The following NRP1 variants were observed in gnomAD, a reference collection of about 807,000 sequenced individuals.
NRP1 encodes neuropilin-1.
Under a neutral mutation model 106.7 loss-of-function variants are expected in NRP1, and 35 were observed. That is an observed-to-expected ratio of 0.33 (90% CI 0.25 to 0.43). The LOEUF (loss-of-function observed/expected upper bound fraction) is 0.43. NRP1 is among the 20% of genes least tolerant of loss of function. The probability of loss-of-function intolerance (pLI) is 1.00; values close to 1 mark genes in which losing one functional copy is unlikely to be tolerated. For synonymous variants in NRP1, 437 were observed against 417.9 expected, an observed-to-expected ratio of 1.05 and a Z score of -0.56; for missense variants, 1,024 against 1,170.4, an observed-to-expected ratio of 0.87 and a Z score of 1.83.
chr10:33,251,129 G>A (rs542857695), intron 6 of NRP1, among the ~76,000 whole-genome samples: 130 of 152,116 alleles, frequency 8.5e-4, no homozygotes, highest in Non-Finnish European at 1.3e-3. Context: ...GGTTTTCCCC[G>A]TGCTCTTCTC....
chr10:33,245,469 T>C (rs1234515191), intron 6 of NRP1, among the ~76,000 whole-genome samples: 3 of 152,222 alleles, frequency 2.0e-5, no homozygotes. Context: ...CTAGATGTAG[T>C]CCAACCATGT....
At position 33,179,492 on chromosome 10, in the gene NRP1, G is replaced by A. The variant is rs1835545889; in HGVS notation, c.*584C>T. The A allele has an allele frequency of 6.5e-6, 1 of 152,996 alleles. No homozygotes were observed. Among genetic ancestry groups the A allele is most frequent in the Admixed American group, 6.5e-5 (1 of 15,298 alleles). The allele number at this position is 152,996 out of a possible 1,614,324, so 9.5% of individuals were successfully genotyped here. A position where few individuals can be genotyped will look rare whatever the true frequency, so the allele number is the denominator to read the frequency against. On this transcript the variant is annotated 3_prime_UTR_variant, in exon 17 of 17. Coordinates refer to ENST00000374867, the MANE Select transcript of NRP1 (RefSeq NM_003873.7). ...ACACCGGAAAAACAGCAAGAAAACT[G>A]GACAGTATTGCTTCGTAAACAGAGC...
intron 8 of NRP1, among the ~76,000 whole-genome samples, chr10:33,215,264 A>G (rs1246275326): frequency 6.6e-6 from 1 of 152,200 alleles, no homozygotes; most frequent in Non-Finnish European, 1.5e-5. Context: ...CATGAAGAGA[A>G]CTTTTCAAGC....
intron 12 of NRP1, among the ~76,000 whole-genome samples, chr10:33,195,259 G>A (rs2506151): frequency 0.26 from 39,627 of 151,880 alleles, 5,580 homozygotes; most frequent in East Asian, 0.64. Flanking sequence ...CCATACAATC[G>A]TAGGTGATGA....
intron 6 of NRP1, among the ~76,000 whole-genome samples, chr10:33,252,572 G>A (rs1841943705): frequency 6.6e-6 from 1 of 152,040 alleles, no homozygotes; most frequent in South Asian, 2.1e-4. Flanking sequence ...CCTATCGCAC[G>A]CCCTGTGAGG....
Position 33,192,338 on chromosome 10 carries a change from C to T in NRP1, c.2005G>A (p.Val669Met). Reference sequence around the variant, plus strand: ...GTCAACACACTCCACTTGAGCTGCACGTGATTGTCATGTTCCCAGTGGCAG... The same window carrying T: ...GTCAACACACTCCACTTGAGCTGCATGTGATTGTCATGTTCCCAGTGGCAG... ...TFCHWEHDNH[V>M]QLKWSVLTSK... Residue 669 changes from valine to methionine, a missense_variant, in exon 13 of 17, where the codon GTG becomes ATG. Coordinates refer to ENST00000374867, the MANE Select transcript of NRP1 (RefSeq NM_003873.7). 2.5e-6 allele frequency: 4 copies of T among 1,613,812 alleles called. No homozygotes were observed. The highest frequency in any genetic ancestry group is 3.4e-6 in the Non-Finnish European group (4 of 1,179,870).
At chr10:33,266,477 T>G (rs936392508) in intron 3 of NRP1, among the ~76,000 whole-genome samples, 2 of 148,036 alleles carry the variant, frequency 1.4e-5, no homozygotes, top group African/African-American at 5.1e-5. Flanking sequence ...TCTTCCAATT[T>G]AAAGATTCTG....
intron 2 of NRP1, among the ~76,000 whole-genome samples, chr10:33,294,593 GACA>G (rs1845244426): frequency 7.5e-6 from 1 of 132,534 alleles, no homozygotes; most frequent in Non-Finnish European, 1.6e-5. Flanking sequence ...GTTCAGCCTG[GACA>G]ACAAGAGTGA....
At chr10:33,265,962 G>T (rs1842890235) in intron 3 of NRP1, among the ~76,000 whole-genome samples, 1 of 152,034 alleles carries the variant, frequency 6.6e-6, no homozygotes, top group African/African-American at 2.4e-5. Flanking sequence ...ATGATATTGG[G>T]GACCCTTTAG....
rs1836323418 is a variant in NRP1 at position 33,190,415 on chromosome 10, A to T, written c.2062+1866T>A. Among the ~76,000 whole-genome samples the T allele has an allele frequency of 2.6e-5, 4 of 152,246 alleles. No homozygotes were observed. In the South Asian group the frequency reaches 8.3e-4, roughly 31 times the overall value. ...TCTAAAACTGCCTGTCTTAAGATTCAATTGAAAGTGTCTCAGATTTGAAGG... is the reference window on the plus strand; with the variant it reads ...TCTAAAACTGCCTGTCTTAAGATTCTATTGAAAGTGTCTCAGATTTGAAGG... On this transcript the variant is annotated intron_variant, in intron 13 of 16. Transcript: ENST00000374867.
chr10:33,221,918 T>C, intron 7 of NRP1, 55 bp from the exon 8 acceptor site: 3 of 1,550,742 alleles, frequency 1.9e-6, no homozygotes, highest in Non-Finnish European at 2.7e-6. Flanking sequence ...TTTAAATCCA[T>C]AAATGTGTTT....
chr10:33,297,008 A>C (rs1186226616), intron 2 of NRP1, among the ~76,000 whole-genome samples: 1 of 152,146 alleles, frequency 6.6e-6, no homozygotes, highest in Admixed American at 6.5e-5. Flanking sequence ...AAAAAAGAAT[A>C]AAAAACCAAT....
rs538421094 is a variant in NRP1, at chr10:33,213,367, C to T, written c.1614+19G>A. 6.2e-7 allele frequency: 1 copy of T among 1,614,152 alleles called. No individual in the cohort carries two copies. The highest frequency in any genetic ancestry group is 2.2e-5 in the East Asian group (1 of 44,868). ...TCAAGGACATAAGGGATGACCTCCT[C>T]CCAGTCCCCAGCCCTCACCTTCGCC... On this transcript the variant is annotated intron_variant, in intron 9 of 16. Coordinates refer to ENST00000374867, the MANE Select transcript of NRP1 (RefSeq NM_003873.7).
chr10:33,236,680 T>C (rs1442038217), intron 6 of NRP1, among the ~76,000 whole-genome samples: 1 of 152,032 alleles, frequency 6.6e-6, no homozygotes, highest in Non-Finnish European at 1.5e-5. Context: ...ACAAAGAGGG[T>C]AACAGTAATA....
chr10:33,272,793 C>G (rs1033869331), intron 2 of NRP1, among the ~76,000 whole-genome samples: 1 of 152,134 alleles, frequency 6.6e-6, no homozygotes. Flanking sequence ...GCATCCAGCT[C>G]TGCAATATAG....
intron 2 of NRP1, among the ~76,000 whole-genome samples, chr10:33,310,066 G>C (rs915701202): frequency 1.3e-5 from 2 of 150,960 alleles, no homozygotes; most frequent in Admixed American, 6.6e-5. Flanking sequence ...TCCTGCCTCA[G>C]CCTCCTGAGT....
chr10:33,219,325 G>A (rs1839038674), intron 8 of NRP1, among the ~76,000 whole-genome samples: 1 of 152,156 alleles, frequency 6.6e-6, no homozygotes, highest in Admixed American at 6.5e-5. Flanking sequence ...ACACTAAGTG[G>A]ACAGTCCACA....
chr10:33,188,351 C>T (rs960274073), intron 13 of NRP1, among the ~76,000 whole-genome samples: 8 of 152,118 alleles, frequency 5.3e-5, no homozygotes, highest in Non-Finnish European at 1.0e-4. Flanking sequence ...ATAGGACATC[C>T]TCACTCAACT....
At chr10:33,180,891 C>T (rs1286566871) in intron 16 of NRP1, among the ~76,000 whole-genome samples, 1 of 152,102 alleles carries the variant, frequency 6.6e-6, no homozygotes, top group Non-Finnish European at 1.5e-5. Context: ...GAATTTTGCC[C>T]AAAGTCTACA....
Sources: gnomAD v4.1 joint callset for allele counts (sites outside exome capture counted in the v4.1 genomes callset) on GRCh38, gnomAD v4.1.1 for gene constraint, MANE v1.5 for transcripts, NCBI Gene and HGNC (gene_info 2026-07-23, HGNC 2026-07-21) for gene names.